The following SLC16A7 variants were observed in gnomAD, a reference collection of about 807,000 sequenced individuals.
SLC16A7 encodes monocarboxylate transporter 2.
In SLC16A7, 33 loss-of-function variants were observed where a neutral mutation model predicts 34.9. That is an observed-to-expected ratio of 0.94 (90% CI 0.72 to 1.26). The LOEUF (loss-of-function observed/expected upper bound fraction) is 1.26. Ranked by LOEUF, SLC16A7 falls within the 50% of genes most tolerant of loss-of-function variation. The pLI is 0.00. For synonymous variants in SLC16A7, 201 were observed against 206.6 expected (o/e 0.97, Z 0.23); for missense variants, 573 against 578.1 (o/e 0.99, Z 0.09).
rs745666368 is a variant in SLC16A7 at position 59,780,391 on chromosome 12, AAAG to A, written c.*715_*717del. ...TTTGCATATATAAGTTTGACAAAGA[AAAG>A]AAAATCAATGTTAAACCATTAAATC... On this transcript the variant is annotated 3_prime_UTR_variant, in exon 6 of 6. Coordinates refer to ENST00000547379, the MANE Select transcript of SLC16A7 (RefSeq NM_001270623.2). 1.3e-5 allele frequency: 2 copies of A among 152,128 alleles called. No individual in the cohort carries two copies. The highest frequency in any genetic ancestry group is 2.9e-5 in the Non-Finnish European group (2 of 68,020). The allele number at this position is 152,128 out of a possible 1,614,324, so 9.4% of individuals were successfully genotyped here.
At chr12:59,671,857 G>GTATATGTATATATGTATATATGTGTA (rs199849060) in intron 2 of SLC16A7, among the ~76,000 whole-genome samples, 1 of 69,852 alleles carries the variant, frequency 1.4e-5, no homozygotes. Flanking sequence ...ATATATATGT[G>GTATATGTATATATGTATATATGTGTA]TATATGTATA....
chr12:59,715,652 T>G (rs1247707119), intron 3 of SLC16A7, among the ~76,000 whole-genome samples: 1 of 152,136 alleles, frequency 6.6e-6, no homozygotes, highest in African/African-American at 2.4e-5. Flanking sequence ...GTGATCCAAA[T>G]TTTTCACCAC....
chr12:59,696,721 G>A (rs1315908795), intron 2 of SLC16A7, among the ~76,000 whole-genome samples: 1 of 151,952 alleles, frequency 6.6e-6, no homozygotes, highest in Admixed American at 6.6e-5. Context: ...TGAGGAAGAG[G>A]TGACAGTGTT....
At chr12:59,672,013 G>A (rs1476534340) in intron 2 of SLC16A7, among the ~76,000 whole-genome samples, 1 of 376 alleles carries the variant, frequency 2.7e-3, no homozygotes, top group Non-Finnish European at 4.3e-3. Flanking sequence ...CCATATATCC[G>A]TATATATGTG....
At chr12:59,653,557 A>C (rs1451077239) in intron 1 of SLC16A7, among the ~76,000 whole-genome samples, 1 of 151,696 alleles carries the variant, frequency 6.6e-6, no homozygotes, top group African/African-American at 2.4e-5. Context: ...GTGGTATAAT[A>C]ATACCAGTAA....
At chr12:59,605,763 T>C (rs1217131504) in intron 1 of SLC16A7, among the ~76,000 whole-genome samples, 2 of 152,236 alleles carry the variant, frequency 1.3e-5, no homozygotes, top group African/African-American at 4.8e-5. Context: ...TAGCCAGTCT[T>C]ATTCTGTAGT....
chr12:59,608,515 G>GT (rs1879045651), intron 1 of SLC16A7, among the ~76,000 whole-genome samples: 1 of 152,156 alleles, frequency 6.6e-6, no homozygotes, highest in African/African-American at 2.4e-5. Context: ...CTAAGAAAAT[G>GT]TAAGTCTGTG....
At chr12:59,655,669 A>G (rs55828017) in intron 2 of SLC16A7, among the ~76,000 whole-genome samples, 1 of 151,870 alleles carries the variant, frequency 6.6e-6, no homozygotes, top group Non-Finnish European at 1.5e-5. Flanking sequence ...GGCACTTTTT[A>G]AAAAAACTAC....
At chr12:59,732,779 T>C (rs768362187) in intron 3 of SLC16A7, among the ~76,000 whole-genome samples, 6 of 152,238 alleles carry the variant, frequency 3.9e-5, no homozygotes, top group Non-Finnish European at 7.3e-5. Context: ...AATTGACAGC[T>C]TTCTTGAGCT....
At chr12:59,747,637 C>A (rs1223897442) in intron 3 of SLC16A7, among the ~76,000 whole-genome samples, 2 of 152,142 alleles carry the variant, frequency 1.3e-5, no homozygotes, top group East Asian at 1.9e-4. Context: ...CTTTTTAAAG[C>A]AAACAATACT....
At chr12:59,699,902 T>G (rs1383780207) in intron 2 of SLC16A7, among the ~76,000 whole-genome samples, 1 of 151,730 alleles carries the variant, frequency 6.6e-6, no homozygotes, top group Non-Finnish European at 1.5e-5. Flanking sequence ...TGTAAACCAG[T>G]ATTCTTTTTA....
intron 2 of SLC16A7, among the ~76,000 whole-genome samples, chr12:59,662,342 C>T (rs1362761506): frequency 6.6e-6 from 1 of 152,036 alleles, no homozygotes; most frequent in Non-Finnish European, 1.5e-5. Flanking sequence ...GTTTTAAACA[C>T]AGAATTAATA....
intron 1 of SLC16A7, among the ~76,000 whole-genome samples, chr12:59,626,741 G>T (rs935012477): frequency 6.6e-6 from 1 of 151,750 alleles, no homozygotes; most frequent in Non-Finnish European, 1.5e-5. Flanking sequence ...TGATTATTTA[G>T]CTTTTGGACT....
chr12:59,694,362 T>A (rs1245394340), intron 2 of SLC16A7, among the ~76,000 whole-genome samples: 1 of 151,950 alleles, frequency 6.6e-6, no homozygotes, highest in African/African-American at 2.4e-5. Context: ...TTTAAACCAC[T>A]TTAATGGGGT....
In SLC16A7 at chr12:59,667,415, T is replaced by C. The variant is rs143236081; in HGVS notation, c.-31+12165T>C. 2.3e-3 allele frequency among the ~76,000 whole-genome samples: 344 copies of C among 152,288 alleles called. 4 individuals carry two copies. The highest frequency in any genetic ancestry group is 9.8e-3 in the South Asian group (47 of 4,816). On this transcript the variant is annotated intron_variant, in intron 2 of 5. Coordinates refer to ENST00000547379, the MANE Select transcript of SLC16A7 (RefSeq NM_001270623.2). ...TCCAAAATGCTGACAGTGATATAGA[T>C]GATAAAGTCCAGGCTGAAGTGGTCT... is the stretch of plus-strand genomic sequence containing the variant.
intron 2 of SLC16A7, among the ~76,000 whole-genome samples, chr12:59,681,340 G>A (rs989124232): frequency 6.6e-6 from 1 of 152,114 alleles, no homozygotes; most frequent in Non-Finnish European, 1.5e-5. Flanking sequence ...TAGCCACATT[G>A]CAAAGCAAAC....
intron 1 of SLC16A7, among the ~76,000 whole-genome samples, chr12:59,612,310 A>T (rs1167595008): frequency 6.6e-6 from 1 of 152,188 alleles, no homozygotes; most frequent in Non-Finnish European, 1.5e-5. Context: ...CGCCCTATCT[A>T]AAGCAGTGGC....
intron 3 of SLC16A7, among the ~76,000 whole-genome samples, chr12:59,724,141 G>C (rs563921301): frequency 2.6e-5 from 4 of 152,046 alleles, no homozygotes; most frequent in Non-Finnish European, 4.4e-5. Flanking sequence ...AAGCCTGAAG[G>C]CTGTGCAAGT....
intron 3 of SLC16A7, among the ~76,000 whole-genome samples, chr12:59,714,016 C>T (rs1365348146): frequency 2.0e-5 from 3 of 152,152 alleles, no homozygotes; most frequent in Non-Finnish European, 2.9e-5. Flanking sequence ...CATGCAACAG[C>T]AGAAAATGGA....
Sources: gnomAD v4.1 joint callset for allele counts (sites outside exome capture counted in the v4.1 genomes callset) on GRCh38, gnomAD v4.1.1 for gene constraint, MANE v1.5 for transcripts, NCBI Gene and HGNC (gene_info 2026-07-23, HGNC 2026-07-21) for gene names.